The following PALM2AKAP2 variants were observed in gnomAD, a reference collection of about 807,000 sequenced individuals.
The protein encoded by PALM2AKAP2 is PALM2 and AKAP2 fusion, also known as PALM2-AKAP2 fusion protein.
A neutral mutation model predicts 71.5 loss-of-function variants in PALM2AKAP2; 37 were observed. That is an observed-to-expected ratio of 0.52 (90% confidence interval 0.40 to 0.68). The LOEUF is 0.68. PALM2AKAP2 is among the 30% of genes least tolerant of loss of function. The probability of loss-of-function intolerance (pLI) is 0.00; values close to 1 mark genes in which losing one functional copy is unlikely to be tolerated. For missense variants in PALM2AKAP2, 1,224 were observed against 1,191.8 expected (o/e 1.03, Z -0.40); for synonymous variants, 468 against 478.8 (o/e 0.98, Z 0.29).
chr9:109,827,389 G>A (rs1367137728), intron 1 of PALM2AKAP2, among the ~76,000 whole-genome samples: 1 of 152,148 alleles, frequency 6.6e-6, no homozygotes, highest in Non-Finnish European at 1.5e-5. Flanking sequence ...GCCAAGGCGG[G>A]TGGATTACAA....
chr9:109,824,126 T>A (rs1828082351), intron 1 of PALM2AKAP2, among the ~76,000 whole-genome samples: 1 of 152,138 alleles, frequency 6.6e-6, no homozygotes, highest in Non-Finnish European at 1.5e-5. Flanking sequence ...TAGGCTCAAG[T>A]GATCCTCCCA....
chr9:110,048,182 C>A (rs574121427), upstream of PALM2AKAP2, among the ~76,000 whole-genome samples: 1 of 152,320 alleles, frequency 6.6e-6, no homozygotes, highest in South Asian at 2.1e-4. Context: ...GTCGCTCTGA[C>A]CCTGAGGACA....
At chr9:109,667,442 A>G (rs1003532255) in intron 1 of PALM2AKAP2, among the ~76,000 whole-genome samples, 4 of 152,190 alleles carry the variant, frequency 2.6e-5, no homozygotes, top group Non-Finnish European at 4.4e-5. Context: ...TCATGGTTCA[A>G]TAATTTTATT....
intron 3 of PALM2AKAP2, among the ~76,000 whole-genome samples, chr9:109,919,235 C>T (rs1830766877): frequency 6.6e-6 from 1 of 152,152 alleles, no homozygotes; most frequent in Admixed American, 6.5e-5. Flanking sequence ...TGGGGTGCTC[C>T]CATTTCCCCT....
chr9:110,137,573 G>T, exon 2 of PALM2AKAP2: 1 of 1,614,198 alleles, frequency 6.2e-7, no homozygotes, highest in Non-Finnish European at 8.5e-7. Flanking sequence ...TGTCCTCACT[G>T]TGGTCAAGGA....
intron 1 of PALM2AKAP2, among the ~76,000 whole-genome samples, chr9:109,714,824 G>A (rs960775183): frequency 3.3e-5 from 5 of 152,146 alleles, no homozygotes; most frequent in Middle Eastern, 3.2e-3. Context: ...ATGACTGGTG[G>A]ATGAGGAGGA....
At chr9:109,766,741 C>T (rs1039488856) in intron 1 of PALM2AKAP2, among the ~76,000 whole-genome samples, 1 of 152,200 alleles carries the variant, frequency 6.6e-6, no homozygotes, top group African/African-American at 2.4e-5. Context: ...TTATCATCCT[C>T]ATCAGCAGAA....
At chr9:110,075,622 G>A (rs975185211) in intron 1 of PALM2AKAP2, among the ~76,000 whole-genome samples, 5 of 149,996 alleles carry the variant, frequency 3.3e-5, no homozygotes, top group Non-Finnish European at 7.4e-5. Context: ...CTCTATAGTC[G>A]CTCCTGTAAA....
chr9:109,866,285 T>G (rs1829446240), intron 1 of PALM2AKAP2, among the ~76,000 whole-genome samples: 1 of 152,198 alleles, frequency 6.6e-6, no homozygotes, highest in Non-Finnish European at 1.5e-5. Context: ...ATTGTTGTTG[T>G]CCCTAGGATT....
At chr9:110,160,142 C>A (rs1020892354) in intron 3 of PALM2AKAP2, among the ~76,000 whole-genome samples, 14 of 152,238 alleles carry the variant, frequency 9.2e-5, no homozygotes, top group South Asian at 2.1e-4. Context: ...GGAAAAAAAA[C>A]CACCCTTGTT....
intron 1 of PALM2AKAP2, among the ~76,000 whole-genome samples, chr9:110,091,657 T>C (rs1294153746): frequency 6.6e-6 from 1 of 151,892 alleles, no homozygotes; most frequent in Non-Finnish European, 1.5e-5. Flanking sequence ...AGAGATGGGG[T>C]TTCACCGTGT....
At chr9:110,007,838 A>T (rs1348530996) in intron 6 of PALM2AKAP2, among the ~76,000 whole-genome samples, 1 of 152,182 alleles carries the variant, frequency 6.6e-6, no homozygotes, top group Non-Finnish European at 1.5e-5. Flanking sequence ...CCATTTTTGT[A>T]CTTAGTTTCA....
intron 1 of PALM2AKAP2, among the ~76,000 whole-genome samples, chr9:109,699,857 C>T (rs564735981): frequency 6.6e-6 from 1 of 151,636 alleles, no homozygotes; most frequent in Non-Finnish European, 1.5e-5. Context: ...CTCACTGCAA[C>T]CTCCGCCTCC....
At chr9:110,081,778 G>A (rs946522999) in intron 1 of PALM2AKAP2, among the ~76,000 whole-genome samples, 5 of 151,772 alleles carry the variant, frequency 3.3e-5, no homozygotes, top group Non-Finnish European at 7.4e-5. Flanking sequence ...GTCCCTGCTG[G>A]GGCTTCCCAG....
intron 6 of PALM2AKAP2, among the ~76,000 whole-genome samples, chr9:109,960,669 G>A (rs897355822): frequency 1.3e-5 from 2 of 152,172 alleles, no homozygotes; most frequent in Non-Finnish European, 1.5e-5. Context: ...TCAGTAGGAA[G>A]GATGGGAGAG....
intron 6 of PALM2AKAP2, among the ~76,000 whole-genome samples, 178 bp from the exon 7 acceptor site, chr9:110,015,776 G>A (rs147697620): frequency 3.9e-5 from 6 of 152,224 alleles, no homozygotes; most frequent in Admixed American, 6.5e-5. Context: ...AGTGCTCCAG[G>A]ACTACACTTC....
intron 1 of PALM2AKAP2, among the ~76,000 whole-genome samples, chr9:109,762,751 A>G (rs1217322014): frequency 6.6e-6 from 1 of 152,220 alleles, no homozygotes. Context: ...ATAATGGGAA[A>G]TTTTAAAAAG....
At chr9:109,967,555 A>G (rs1831977795) in intron 6 of PALM2AKAP2, among the ~76,000 whole-genome samples, 1 of 152,080 alleles carries the variant, frequency 6.6e-6, no homozygotes, top group South Asian at 2.1e-4. Context: ...GACTACAGGC[A>G]GGCGCCACCA....
At chr9:109,954,534 G>A (rs988419392) in intron 6 of PALM2AKAP2, among the ~76,000 whole-genome samples, 21 of 150,602 alleles carry the variant, frequency 1.4e-4, no homozygotes, top group African/African-American at 3.7e-4. Context: ...GGGAGGGATA[G>A]CATTGGGAGA....
Sources: gnomAD v4.1 joint callset for allele counts (sites outside exome capture counted in the v4.1 genomes callset) on GRCh38, gnomAD v4.1.1 for gene constraint, MANE v1.5 for transcripts, NCBI Gene and HGNC (gene_info 2026-07-23, HGNC 2026-07-21) for gene names.